CFAP47: variants seen among roughly 807,000 people sequenced by gnomAD.
The protein encoded by CFAP47 is cilia- and flagella-associated protein 47.
A neutral mutation model predicts 148.1 loss-of-function variants in CFAP47; 29 were observed. The observed-to-expected ratio is 0.20, with a 90% CI of 0.15 to 0.27. The LOEUF (loss-of-function observed/expected upper bound fraction) is 0.27. CFAP47 is among the 10% of genes least tolerant of loss of function. CFAP47 has a pLI of 1.00. For missense variants in CFAP47, 1,872 were observed against 1,697.5 expected, an observed-to-expected ratio of 1.10 and a Z score of -1.81; for synonymous variants, 664 against 577.3, an observed-to-expected ratio of 1.15 and a Z score of -2.15.
chrX:35,997,724 TTTCA>T (rs1182899592), intron 19 of CFAP47, among the ~76,000 whole-genome samples: 1 of 111,082 alleles, frequency 9.0e-6, no homozygotes, highest in African/African-American at 3.3e-5. Flanking sequence ...ATATGAATGC[TTTCA>T]TTGTTGATTA....
intron 48 of CFAP47, among the ~76,000 whole-genome samples, chrX:36,247,917 A>G (rs1257211701): frequency 9.0e-6 from 1 of 111,050 alleles, no homozygotes; most frequent in South Asian, 3.7e-4. Context: ...CCCATTTTAA[A>G]TAAAATGACA....
chrX:35,961,286 A>AT (rs1369778646), intron 8 of CFAP47, among the ~76,000 whole-genome samples: 5 of 111,801 alleles, frequency 4.5e-5, no homozygotes, highest in African/African-American at 9.7e-5. Flanking sequence ...AAGAATGCAG[A>AT]TTTTTAAAAA....
At chrX:36,111,522 T>G (rs1938554628) in intron 33 of CFAP47, among the ~76,000 whole-genome samples, 1 of 111,986 alleles carries the variant, frequency 8.9e-6, no homozygotes, top group Non-Finnish European at 1.9e-5. Flanking sequence ...TGTTGAGGAT[T>G]CTTGCATCGA....
chrX:36,349,805 T>C (rs1344181671), intron 58 of CFAP47, among the ~76,000 whole-genome samples: 2 of 111,568 alleles, frequency 1.8e-5, no homozygotes, highest in South Asian at 3.7e-4. Context: ...TTTTAACTTA[T>C]ATTTCATGAT....
chrX:36,025,549 G>A (rs999558554), intron 22 of CFAP47, among the ~76,000 whole-genome samples: 1 of 111,232 alleles, frequency 9.0e-6, no homozygotes, highest in African/African-American at 3.3e-5. Context: ...GCTGGGGCGC[G>A]AGTATCTCTT....
intron 21 of CFAP47, among the ~76,000 whole-genome samples, chrX:36,010,330 A>G (rs1205705093): frequency 1.8e-5 from 2 of 111,473 alleles, no homozygotes; most frequent in Non-Finnish European, 3.8e-5. Context: ...ATCTTGAGCC[A>G]TAAGAATGGT....
At chrX:36,239,767 G>A (rs1378017334) in intron 48 of CFAP47, among the ~76,000 whole-genome samples, 1 of 111,691 alleles carries the variant, frequency 9.0e-6, no homozygotes, top group African/African-American at 3.2e-5. Flanking sequence ...TGGGAAACAA[G>A]CAGGCCGCAC....
intron 46 of CFAP47, among the ~76,000 whole-genome samples, chrX:36,234,079 G>A (rs1315464667): frequency 9.2e-6 from 1 of 108,947 alleles, no homozygotes; most frequent in Non-Finnish European, 1.9e-5. Flanking sequence ...TGGTGAATCT[G>A]ACAATTATGT....
chrX:36,331,220 A>AT, intron 57 of CFAP47, among the ~76,000 whole-genome samples: 1 of 111,134 alleles, frequency 9.0e-6, no homozygotes, highest in African/African-American at 3.3e-5. Context: ...AATATAATTG[A>AT]TTTTTCTCTC....
Position 36,124,825 on chromosome X carries a change from G to C in CFAP47, c.5321-13133G>C, listed in dbSNP as rs1938807674. 2.7e-5 allele frequency among the ~76,000 whole-genome samples: 3 copies of C among 111,079 alleles called. No individual in the cohort carries two copies. The Admixed American group carries it at 2.9e-4, about 11-fold the overall frequency. On this transcript the variant is annotated intron_variant, in intron 33 of 63. Transcript: ENST00000378653. ...TGTCTTTGCTGGGGGATGATCAGTA[G>C]AGCCATTTATTCTGCTATCTTGTTC...
chrX:36,082,123 A>T (rs994220184), intron 29 of CFAP47, among the ~76,000 whole-genome samples: 10 of 111,978 alleles, frequency 8.9e-5, no homozygotes, highest in African/African-American at 2.9e-4. Flanking sequence ...AATGTTTCCT[A>T]CATCACTGTA....
In CFAP47 at chrX:36,268,359, T is replaced by C. The variant is rs782819317; in HGVS notation, c.7445-12128T>C. On this transcript the variant is annotated intron_variant, in intron 49 of 63. Transcript: ENST00000378653. ...GAAGAAAAGTAAATTTGAAACTGCC[T>C]ATACTCTGTCATGCTGAAGGAAAGA... Among the ~76,000 whole-genome samples, 4 of 113,225 alleles carry C rather than the reference T, an allele frequency of 3.5e-5. No homozygotes were observed. In the South Asian group the frequency reaches 1.4e-3, roughly 41 times the overall value.
intron 28 of CFAP47, 130 bp from the exon 29 acceptor site, chrX:36,073,007 CAG>C (rs1937783039): frequency 2.2e-6 from 1 of 452,196 alleles, no homozygotes; most frequent in Non-Finnish European, 3.8e-6. Flanking sequence ...TAAATTGACT[CAG>C]AATTTCTTTG....
intron 15 of CFAP47, among the ~76,000 whole-genome samples, chrX:35,978,451 T>C (rs961972952): frequency 6.3e-5 from 7 of 111,961 alleles, no homozygotes; most frequent in Admixed American, 5.7e-4. Flanking sequence ...GGAGAGGTTT[T>C]TACATTTAAT....
intron 1 of CFAP47, among the ~76,000 whole-genome samples, chrX:35,924,275 G>GGACA (rs1183222010): frequency 9.7e-6 from 1 of 102,659 alleles, no homozygotes; most frequent in Non-Finnish European, 1.9e-5. Flanking sequence ...GTACATGTAT[G>GGACA]TGTATATGTA....
At chrX:35,938,094 G>A (rs1478596901) in intron 2 of CFAP47, among the ~76,000 whole-genome samples, 15 of 111,362 alleles carry the variant, frequency 1.3e-4, no homozygotes, top group East Asian at 1.1e-3. Context: ...TGAGTGTTAC[G>A]ATTTAAAAAT....
chrX:36,175,422 T>G (rs1939658676), intron 39 of CFAP47, among the ~76,000 whole-genome samples: 2 of 111,929 alleles, frequency 1.8e-5, no homozygotes, highest in African/African-American at 6.5e-5. Context: ...TTCCCCATCT[T>G]TGTGGTTTTA....
At chrX:35,971,032 T>G (rs767473698) in intron 11 of CFAP47, 109 bp downstream of exon 11, 78 of 563,019 alleles carry the variant, frequency 1.4e-4, no homozygotes, top group Non-Finnish European at 2.0e-4. Flanking sequence ...TAAACTACAT[T>G]TCAATACGTG....
intron 33 of CFAP47, among the ~76,000 whole-genome samples, chrX:36,112,956 C>T (rs1192573608): frequency 8.9e-6 from 1 of 111,774 alleles, no homozygotes; most frequent in Non-Finnish European, 1.9e-5. Context: ...GATTTTTCTC[C>T]ATCCATGTAT....
Sources: allele counts gnomAD v4.1 joint callset (sites outside exome capture counted in the v4.1 genomes callset), GRCh38; gene constraint gnomAD v4.1.1; transcripts MANE v1.5; gene names NCBI Gene and HGNC (gene_info 2026-07-23, HGNC 2026-07-21).